The following GSG1L variants were observed in gnomAD, a reference collection of about 807,000 sequenced individuals.
The protein encoded by GSG1L is GSG1 like.
GSG1L carries 24 observed loss-of-function variants against 42.1 expected under a neutral mutation model. The ratio of observed to expected loss-of-function variants is 0.57; its 90% CI spans 0.41 to 0.80. The LOEUF (loss-of-function observed/expected upper bound fraction) is 0.80, where lower values mean the gene tolerates loss of function less well. Among genes scored for constraint, GSG1L ranks in the 30% least tolerant of loss-of-function variants. The probability of loss-of-function intolerance (pLI) is 0.00; values close to 1 mark genes in which losing one functional copy is unlikely to be tolerated. For synonymous variants in GSG1L, 215 were observed against 203.5 expected (o/e 1.06, Z -0.48); for missense variants, 445 against 472.2 (o/e 0.94, Z 0.53).
chr16:27,895,531 G>T (rs2084181762), intron 2 of GSG1L, among the ~76,000 whole-genome samples: 1 of 152,070 alleles, frequency 6.6e-6, no homozygotes, highest in Non-Finnish European at 1.5e-5. Context: ...CTTTCCCCAT[G>T]GTCCAGGGTT....
At chr16:27,825,681 A>G (rs1038399087) in intron 5 of GSG1L, among the ~76,000 whole-genome samples, 1 of 152,144 alleles carries the variant, frequency 6.6e-6, no homozygotes, top group Admixed American at 6.5e-5. Context: ...CTCATCTTGA[A>G]TTGGAGTTCC....
intron 1 of GSG1L, among the ~76,000 whole-genome samples, chr16:27,991,472 C>CT (rs1282298074): frequency 1.3e-5 from 2 of 151,432 alleles, no homozygotes; most frequent in Non-Finnish European, 2.9e-5. Context: ...GTGGTGCAAT[C>CT]TCGGCTCACT....
At chr16:27,934,760 A>G (rs1360152960) in intron 2 of GSG1L, among the ~76,000 whole-genome samples, 2 of 152,084 alleles carry the variant, frequency 1.3e-5, no homozygotes, top group East Asian at 3.9e-4. Flanking sequence ...TCTGAACCTC[A>G]GTTTACCCAT....
intron 2 of GSG1L, among the ~76,000 whole-genome samples, chr16:27,921,380 G>A (rs2084522059): frequency 6.6e-6 from 1 of 152,142 alleles, no homozygotes; most frequent in Non-Finnish European, 1.5e-5. Flanking sequence ...CTGTTCTGAT[G>A]GTTGGTGCCG....
chr16:27,833,496 T>A (rs2083293014), intron 4 of GSG1L, among the ~76,000 whole-genome samples: 1 of 152,204 alleles, frequency 6.6e-6, no homozygotes, highest in African/African-American at 2.4e-5. Flanking sequence ...CCTTCCCATA[T>A]AAATTTTAGA....
intron 2 of GSG1L, among the ~76,000 whole-genome samples, chr16:27,959,226 C>T (rs541290608): frequency 3.3e-5 from 5 of 149,770 alleles, no homozygotes; most frequent in East Asian, 4.1e-4. Context: ...GGGAGGCCAA[C>T]GTGGGAGGAT....
chr16:27,815,356 C>T (rs757151424), intron 5 of GSG1L, among the ~76,000 whole-genome samples: 2 of 152,144 alleles, frequency 1.3e-5, no homozygotes, highest in South Asian at 2.1e-4. Flanking sequence ...TACCTGCTCC[C>T]GTTCTATCAT....
At chr16:28,000,386 C>T (rs920687320) in intron 1 of GSG1L, among the ~76,000 whole-genome samples, 2 of 152,158 alleles carry the variant, frequency 1.3e-5, no homozygotes, top group African/African-American at 4.8e-5. Context: ...TGCTGCATGG[C>T]GAGAAGGACT....
chr16:27,840,032 CT>C (rs11329489), intron 4 of GSG1L, among the ~76,000 whole-genome samples: 83,458 of 129,646 alleles, frequency 0.64, 26,404 homozygotes, highest in African/African-American at 0.73. Context: ...TAACCTTAAT[CT>C]TTTTTTTTTT....
intron 1 of GSG1L, among the ~76,000 whole-genome samples, chr16:28,046,429 C>T (rs1193531052): frequency 6.9e-6 from 1 of 145,888 alleles, no homozygotes; most frequent in Admixed American, 7.0e-5. Flanking sequence ...TCTCAGCTCA[C>T]TGCAAGCTCC....
At chr16:28,006,271 C>T (rs1000098685) in intron 1 of GSG1L, among the ~76,000 whole-genome samples, 3 of 151,680 alleles carry the variant, frequency 2.0e-5, no homozygotes, top group African/African-American at 7.3e-5. Context: ...GAACAAGGCA[C>T]AGCCTGCCAA....
At position 28,042,108 on chromosome 16, in the gene GSG1L, G is replaced by C. The variant is rs924830532; in HGVS notation, c.349+20968C>G. On this transcript the variant is annotated intron_variant, in intron 1 of 6. Coordinates refer to ENST00000447459, the MANE Select transcript of GSG1L (RefSeq NM_001109763.2). The stretch of plus-strand genomic sequence containing the variant: ...TTTCTTTCCATGATCACATCACCAG[G>C]AGGTGAGAGGGAGATCCTATCTCCA... 4.6e-5 allele frequency among the ~76,000 whole-genome samples: 7 copies of C among 152,176 alleles called. No homozygotes were observed. In the South Asian group the frequency reaches 8.3e-4, roughly 18 times the overall value.
chr16:27,939,690 C>A (rs1354246286), intron 2 of GSG1L, among the ~76,000 whole-genome samples: 1 of 152,176 alleles, frequency 6.6e-6, no homozygotes. Flanking sequence ...TGCCACCTCT[C>A]CCCACTCTCC....
chr16:27,795,247 G>A (rs2082805400), intron 6 of GSG1L, among the ~76,000 whole-genome samples: 1 of 152,054 alleles, frequency 6.6e-6, no homozygotes, highest in African/African-American at 2.4e-5. Flanking sequence ...CTGCGCTTGG[G>A]ATGCACCTGC....
chr16:28,063,234 G>A lies in GSG1L; in HGVS notation c.191C>T (p.Thr64Ile). ...GGCGGCGGCGGCGGCGGGGGCGGCGGTGCCGTTGGCCGTGGCGTTGGCGCC... is the reference window on the plus strand; with the variant it reads ...GGCGGCGGCGGCGGCGGGGGCGGCGATGCCGTTGGCCGTGGCGTTGGCGCC... ...NSGANATANGTAAPAAAAAAA... is the reference protein window; with the variant it reads ...NSGANATANGIAAPAAAAAAA... Residue 64 changes from threonine (T) to isoleucine (I), a missense_variant, in exon 1 of 7, where the codon ACC becomes ATC. Physicochemically the swap from Thr to Ile is moderately conservative, Grantham distance 89 (BLOSUM62 -1). This residue lies in a region of GSG1L where 156 missense variants were observed against 128.3 expected (regional missense o/e 1.22). Coordinates refer to ENST00000447459, the MANE Select transcript of GSG1L (RefSeq NM_001109763.2). The surrounding 1 kb of genome is among the most constrained non-coding windows in gnomAD (Gnocchi z 5.8). 1 of 1,263,946 alleles carries A rather than the reference G, an allele frequency of 7.9e-7. No homozygotes were observed. 78.3% of individuals were successfully genotyped at this position (1,263,946 alleles called of 1,614,324 possible).
At chr16:27,882,947 A>T (rs1009969001) in intron 3 of GSG1L, among the ~76,000 whole-genome samples, 2 of 151,912 alleles carry the variant, frequency 1.3e-5, no homozygotes, top group African/African-American at 2.4e-5. Flanking sequence ...CTCTAAAAAA[A>T]ATTTTTTTTT....
chr16:27,888,234 C>G, intron 2 of GSG1L: 1 of 466,040 alleles, frequency 2.1e-6, no homozygotes, highest in Non-Finnish European at 2.8e-6. Context: ...ACGCTTCCCC[C>G]GCCCCTCTCC....
intron 2 of GSG1L, among the ~76,000 whole-genome samples, chr16:27,885,766 A>G (rs1384537540): frequency 6.6e-6 from 1 of 152,242 alleles, no homozygotes; most frequent in East Asian, 1.9e-4. Context: ...CATTCTGACC[A>G]CATGAGCACC....
chr16:27,847,967 C>T (rs577533744), intron 3 of GSG1L, among the ~76,000 whole-genome samples: 1 of 152,324 alleles, frequency 6.6e-6, no homozygotes, highest in Admixed American at 6.5e-5. Context: ...AATGTGAGAA[C>T]TGACTAATAC....
Sources: gnomAD v4.1 joint callset for allele counts (sites outside exome capture counted in the v4.1 genomes callset) on GRCh38, gnomAD v4.1.1 for gene constraint, gnomAD v4.1.1 regional missense constraint, Gnocchi (gnomAD v3.1) non-coding constraint, MANE v1.5 for transcripts, NCBI Gene and HGNC (gene_info 2026-07-23, HGNC 2026-07-21) for gene names.